Variants in RSPO2 observed in about 807,000 individuals in gnomAD.
The protein encoded by RSPO2 is R-spondin 2.
Under a neutral mutation model 30.9 loss-of-function variants are expected in RSPO2, and 14 were observed. The observed-to-expected ratio is 0.45, with a 90% CI of 0.30 to 0.71. The LOEUF is 0.71. Ranked by LOEUF, RSPO2 falls within the 30% of genes least tolerant of loss-of-function variation. The pLI is 0.08. For synonymous variants in RSPO2, 107 were observed against 96.4 expected (o/e 1.11, Z -0.64); for missense variants, 264 against 301.9 (o/e 0.87, Z 0.93).
chr8:108,007,946 G>A (rs750204379), intron 2 of RSPO2, among the ~76,000 whole-genome samples: 14 of 151,688 alleles, frequency 9.2e-5, no homozygotes, highest in Admixed American at 6.6e-4. Flanking sequence ...TTGAGACCCC[G>A]TATCTATGAA....
chr8:108,021,850 G>A (rs1486068345), intron 2 of RSPO2, among the ~76,000 whole-genome samples: 1 of 151,904 alleles, frequency 6.6e-6, no homozygotes, highest in Non-Finnish European at 1.5e-5. Flanking sequence ...CTAGATGATG[G>A]GTTGATGGGT....
intron 3 of RSPO2, among the ~76,000 whole-genome samples, chr8:107,988,424 T>TG (rs1480809350): frequency 6.7e-6 from 1 of 149,414 alleles, no homozygotes; most frequent in African/African-American, 2.4e-5. Flanking sequence ...AATTCCTTTG[T>TG]GGTTTTTTTT....
At chr8:107,930,359 T>C (rs935835763) in intron 5 of RSPO2, among the ~76,000 whole-genome samples, 1 of 152,160 alleles carries the variant, frequency 6.6e-6, no homozygotes, top group African/African-American at 2.4e-5. Flanking sequence ...AGAAATGGAA[T>C]ATAGGGAACT....
At chr8:107,979,627 T>C (rs938368428) in intron 3 of RSPO2, among the ~76,000 whole-genome samples, 1 of 152,108 alleles carries the variant, frequency 6.6e-6, no homozygotes, top group African/African-American at 2.4e-5. Context: ...TATACATATG[T>C]AACAAACCTG....
chr8:108,030,117 A>AG (rs1470864797), intron 2 of RSPO2, among the ~76,000 whole-genome samples: 48 of 106,922 alleles, frequency 4.5e-4, no homozygotes, highest in African/African-American at 1.5e-3. Flanking sequence ...TGGGATAGAT[A>AG]GGAAAAAAAA....
rs1811442740 is a variant in RSPO2 at position 107,901,049 on chromosome 8, C to A, written c.*26G>T. 1 of 1,609,328 alleles carries A rather than the reference C, an allele frequency of 6.2e-7. No homozygotes were observed. The highest frequency in any genetic ancestry group is 8.5e-7 in the Non-Finnish European group (1 of 1,178,812). ...GTGCACATTTGCAAAAACAAAAACC[C>A]CTAAAAATCTACCGGATCTCTTGTT... On this transcript the variant is annotated 3_prime_UTR_variant, in exon 6 of 6. Transcript: ENST00000276659.
At chr8:108,056,761 T>TA (rs1270268172) in intron 2 of RSPO2, among the ~76,000 whole-genome samples, 1 of 150,150 alleles carries the variant, frequency 6.7e-6, no homozygotes, top group Non-Finnish European at 1.5e-5. Flanking sequence ...ATTCCTAAGA[T>TA]AAAAAAGATG....
chr8:107,927,488 A>C (rs1186305492), intron 5 of RSPO2, among the ~76,000 whole-genome samples: 2 of 152,100 alleles, frequency 1.3e-5, no homozygotes, highest in African/African-American at 4.8e-5. Flanking sequence ...TTTCAAAGGG[A>C]ATGCTTCCAG....
chr8:107,901,758 T>C (rs1302488689), intron 5 of RSPO2, among the ~76,000 whole-genome samples: 1 of 152,250 alleles, frequency 6.6e-6, no homozygotes, highest in Non-Finnish European at 1.5e-5. Flanking sequence ...ATTATATACC[T>C]TATGGCTTCT....
At chr8:108,048,673 T>A (rs192259793) in intron 2 of RSPO2, among the ~76,000 whole-genome samples, 3 of 152,274 alleles carry the variant, frequency 2.0e-5, no homozygotes, top group African/African-American at 7.2e-5. Flanking sequence ...TCTCCTTCAG[T>A]TCTGCTCTGA....
chr8:107,960,636 A>C, intron 4 of RSPO2, 38 bp downstream of exon 4: 1 of 1,587,802 alleles, frequency 6.3e-7, no homozygotes, highest in Non-Finnish European at 8.6e-7. Context: ...TGCTAAAATA[A>C]AAGTTGCAGA....
rs116371850 is a variant in RSPO2 at position 107,909,084 on chromosome 8, A to T, written c.617-7894T>A. Among the ~76,000 whole-genome samples, 455 of 152,146 alleles carry T rather than the reference A, an allele frequency of 3.0e-3. 2 individuals carry two copies. The highest frequency in any genetic ancestry group is 0.014 in the Middle Eastern group (4 of 286). On this transcript the variant is annotated intron_variant, in intron 5 of 5. Transcript: ENST00000276659. ...GTGAGGGTGGAAAGACAGCAAATATACTAGGCAATTTGCTAGGCCCTGCTG... is the reference window on the plus strand; with the variant it reads ...GTGAGGGTGGAAAGACAGCAAATATTCTAGGCAATTTGCTAGGCCCTGCTG...
chr8:108,007,792 A>T (rs1815499219), intron 2 of RSPO2, among the ~76,000 whole-genome samples: 1 of 152,062 alleles, frequency 6.6e-6, no homozygotes, highest in Non-Finnish European at 1.5e-5. Flanking sequence ...TCAACCTCAG[A>T]GCTAATCAAG....
chr8:107,999,826 A>G (rs968357547), intron 2 of RSPO2, among the ~76,000 whole-genome samples: 1 of 144,322 alleles, frequency 6.9e-6, no homozygotes, highest in African/African-American at 2.6e-5. Flanking sequence ...AAAAAAAAAA[A>G]ATGAAGAAAA....
At chr8:107,953,339 C>A (rs893594819) in intron 5 of RSPO2, among the ~76,000 whole-genome samples, 4 of 152,124 alleles carry the variant, frequency 2.6e-5, no homozygotes, top group African/African-American at 4.8e-5. Context: ...CATTTCCCCC[C>A]ACTACCAACC....
intron 2 of RSPO2, among the ~76,000 whole-genome samples, chr8:108,059,116 T>A (rs895242159): frequency 6.6e-6 from 1 of 151,622 alleles, no homozygotes; most frequent in African/African-American, 2.4e-5. Context: ...AAAGGGCTAA[T>A]ATCCAGAATC....
rs150106837 is a variant in RSPO2, at chr8:108,022,270, C to CAG, written c.95-33028_95-33027dup. Among the ~76,000 whole-genome samples the CAG allele has an allele frequency of 7.4e-3, 1,118 of 152,058 alleles. 16 individuals are homozygous for CAG. Among genetic ancestry groups the CAG allele is most frequent in the African/African-American group, 0.026 (1,078 of 41,490 alleles). Reference sequence around the variant, plus strand: ...TAACGTCTTTCTCTTTTTCAAATAGCAGAGAGAGAGAGCAACAGTTAAAAT... The same window carrying CAG: ...TAACGTCTTTCTCTTTTTCAAATAGCAGAGAGAGAGAGAGCAACAGTTAAAAT... On this transcript the variant is annotated intron_variant, in intron 2 of 5. Coordinates refer to ENST00000276659, the MANE Select transcript of RSPO2 (RefSeq NM_178565.5).
chr8:107,966,501 G>A (rs1225383368), intron 3 of RSPO2, among the ~76,000 whole-genome samples: 1 of 152,204 alleles, frequency 6.6e-6, no homozygotes, highest in Non-Finnish European at 1.5e-5. Flanking sequence ...GAAAGCAGAA[G>A]ACAGTAGAGG....
intron 2 of RSPO2, chr8:108,073,022 T>A (rs1033230439): frequency 2.0e-5 from 3 of 152,200 alleles, no homozygotes; most frequent in African/African-American, 7.2e-5. Context: ...GAAGCTGGAA[T>A]CTACCTGCAT....
Sources: gnomAD v4.1 joint callset for allele counts (sites outside exome capture counted in the v4.1 genomes callset) on GRCh38, gnomAD v4.1.1 for gene constraint, MANE v1.5 for transcripts, NCBI Gene and HGNC (gene_info 2026-07-23, HGNC 2026-07-21) for gene names.